ASIC2: variants seen among roughly 807,000 people sequenced by gnomAD.
ASIC2 encodes the protein acid-sensing ion channel 2.
In ASIC2, 25 loss-of-function variants were observed where a neutral mutation model predicts 57.3. That is an observed-to-expected ratio of 0.44 (90% CI 0.32 to 0.61). The LOEUF (loss-of-function observed/expected upper bound fraction) is 0.61, where lower values mean the gene tolerates loss of function less well. Among genes scored for constraint, ASIC2 ranks in the 20% least tolerant of loss-of-function variants. The pLI is 0.06. For synonymous variants in ASIC2, 319 were observed against 307.5 expected (o/e 1.04, Z -0.39); for missense variants, 641 against 738.1 (o/e 0.87, Z 1.52).
chr17:34,076,011 T>C (rs2079154), intron 1 of ASIC2, among the ~76,000 whole-genome samples: 1 of 147,932 alleles, frequency 6.8e-6, no homozygotes, highest in African/African-American at 2.5e-5. Context: ...TTTATTTTTA[T>C]TTTTTTTTTG....
rs905574303 is a variant in ASIC2 at position 33,912,321 on chromosome 17, G to A, written c.555+243657C>T. 6.0e-5 allele frequency among the ~76,000 whole-genome samples: 9 copies of A among 149,530 alleles called. No individual in the cohort carries two copies. In the South Asian group the frequency reaches 6.4e-4, roughly 11 times the overall value. On this transcript the variant is annotated intron_variant, in intron 1 of 9. Transcript: ENST00000359872. ...CAGCCTGGCCAACATCCAAAAACCC[G>A]TCTCTGTTAAAAAATACAAAAGTTA...
At chr17:33,029,756 T>C (rs919756947) in intron 3 of ASIC2, among the ~76,000 whole-genome samples, 6 of 152,264 alleles carry the variant, frequency 3.9e-5, no homozygotes, top group African/African-American at 1.4e-4. Flanking sequence ...ACCAGTAGTG[T>C]CTGAGAATTC....
chr17:33,022,875 A>G (rs1320499786), intron 6 of ASIC2, among the ~76,000 whole-genome samples: 8 of 152,228 alleles, frequency 5.3e-5, no homozygotes, highest in Non-Finnish European at 5.9e-5. Flanking sequence ...TTTGAGAGAA[A>G]AATAACAGGA....
At chr17:33,535,871 C>T (rs996917017) in intron 1 of ASIC2, among the ~76,000 whole-genome samples, 10 of 152,240 alleles carry the variant, frequency 6.6e-5, no homozygotes, top group Admixed American at 3.3e-4. Flanking sequence ...TCCCCACACA[C>T]TGCTAATTGC....
intron 1 of ASIC2, among the ~76,000 whole-genome samples, chr17:33,305,517 T>A (rs1293322083): frequency 6.6e-6 from 1 of 152,294 alleles, no homozygotes; most frequent in South Asian, 2.1e-4. Context: ...AGCCAACACC[T>A]GACAACAAAG....
intron 1 of ASIC2, among the ~76,000 whole-genome samples, chr17:33,488,638 A>G (rs1913653562): frequency 6.6e-6 from 1 of 152,142 alleles, no homozygotes; most frequent in South Asian, 2.1e-4. Context: ...CATCTTAACT[A>G]TTTTTAAGTG....
At chr17:33,265,067 A>G (rs1909413484) in intron 1 of ASIC2, among the ~76,000 whole-genome samples, 1 of 152,222 alleles carries the variant, frequency 6.6e-6, no homozygotes, top group Admixed American at 6.5e-5. Context: ...TGTGGCCTTC[A>G]CTGAGTTTCT....
intron 1 of ASIC2, among the ~76,000 whole-genome samples, chr17:33,520,760 A>G (rs192362121): frequency 6.6e-4 from 100 of 152,298 alleles, no homozygotes; most frequent in African/African-American, 1.9e-3. Flanking sequence ...CCTGGGCCTC[A>G]CCTGTGTTCC....
At chr17:33,909,555 G>A (rs906199774) in intron 1 of ASIC2, among the ~76,000 whole-genome samples, 1 of 152,166 alleles carries the variant, frequency 6.6e-6, no homozygotes, top group African/African-American at 2.4e-5. Context: ...CAAGAGAGGG[G>A]AGACAGGAGA....
chr17:33,028,213 C>G (rs112736150), intron 4 of ASIC2, 29 bp downstream of exon 4: 1 of 1,595,686 alleles, frequency 6.3e-7, no homozygotes, highest in South Asian at 1.1e-5. Context: ...GATCCCAGGG[C>G]CCTGTGGCCA....
At chr17:34,135,279 G>T (rs1167680157) in intron 1 of ASIC2, among the ~76,000 whole-genome samples, 1 of 152,260 alleles carries the variant, frequency 6.6e-6, no homozygotes, top group African/African-American at 2.4e-5. Flanking sequence ...CTGCCTGCTG[G>T]CAGCTGAATC....
intron 1 of ASIC2, among the ~76,000 whole-genome samples, chr17:33,114,681 C>T (rs1360154851): frequency 6.6e-6 from 1 of 152,184 alleles, no homozygotes; most frequent in Admixed American, 6.5e-5. Flanking sequence ...GGTGTTGACC[C>T]TCCCTAAGCA....
chr17:34,051,599 T>G (rs1457962816), intron 1 of ASIC2: 1 of 152,208 alleles, frequency 6.6e-6, no homozygotes, highest in Non-Finnish European at 1.5e-5. Context: ...GGTTCATGCC[T>G]CCTTTGCTTT....
intron 1 of ASIC2, among the ~76,000 whole-genome samples, chr17:33,904,416 A>G (rs929162283): frequency 8.5e-5 from 13 of 152,150 alleles, no homozygotes; most frequent in South Asian, 4.1e-4. Context: ...CATACTGCCT[A>G]TAACTTAGAA....
intron 1 of ASIC2, among the ~76,000 whole-genome samples, chr17:33,304,365 C>T (rs1036322275): frequency 2.0e-5 from 3 of 152,158 alleles, no homozygotes; most frequent in Non-Finnish European, 4.4e-5. Context: ...AAATTTTAGG[C>T]AAACAAACCA....
chr17:33,640,351 C>T (rs1279912711), intron 1 of ASIC2, among the ~76,000 whole-genome samples: 2 of 152,146 alleles, frequency 1.3e-5, no homozygotes, highest in Admixed American at 6.5e-5. Context: ...AATGCACACC[C>T]ACCTTTGCAT....
intron 1 of ASIC2, among the ~76,000 whole-genome samples, chr17:33,145,123 T>C (rs1904504256): frequency 6.6e-6 from 1 of 152,210 alleles, no homozygotes; most frequent in Non-Finnish European, 1.5e-5. Flanking sequence ...CCCTTCTATG[T>C]TCTTCTTTGA....
At chr17:33,543,306 A>G (rs2141970850) in intron 1 of ASIC2, among the ~76,000 whole-genome samples, 1 of 109,628 alleles carries the variant, frequency 9.1e-6, no homozygotes, top group East Asian at 2.6e-4. Context: ...CAAAAACAAA[A>G]AAAACAAATC....
chr17:33,902,166 G>A (rs1464764281), intron 1 of ASIC2, among the ~76,000 whole-genome samples: 1 of 152,132 alleles, frequency 6.6e-6, no homozygotes, highest in Non-Finnish European at 1.5e-5. Flanking sequence ...AGGATCTCCT[G>A]CAGCAGGAGA....
Sources: gnomAD v4.1 joint callset for allele counts (sites outside exome capture counted in the v4.1 genomes callset) on GRCh38, gnomAD v4.1.1 for gene constraint, MANE v1.5 for transcripts, NCBI Gene and HGNC (gene_info 2026-07-23, HGNC 2026-07-21) for gene names.